FMNL1: variants seen among roughly 807,000 people sequenced by gnomAD.
FMNL1 encodes formin like 1.
FMNL1 carries 43 observed loss-of-function variants against 121.3 expected under a neutral mutation model. The ratio of observed to expected loss-of-function variants is 0.35; its 90% CI spans 0.28 to 0.46. The LOEUF is 0.46. Ranked by LOEUF, FMNL1 falls within the 20% of genes least tolerant of loss-of-function variation. The pLI is 1.00. For missense variants in FMNL1, 1,191 were observed against 1,482.4 expected, an observed-to-expected ratio of 0.80 and a Z score of 3.23; for synonymous variants, 613 against 613.5, an observed-to-expected ratio of 1.00 and a Z score of 0.01.
chr17:45,223,619 A>T (rs1437049604), intron 1 of FMNL1, among the ~76,000 whole-genome samples: 3 of 152,148 alleles, frequency 2.0e-5, no homozygotes, highest in Non-Finnish European at 4.4e-5. Context: ...CCCCAAGCAT[A>T]GGACTTCACA....
intron 1 of FMNL1, among the ~76,000 whole-genome samples, chr17:45,227,714 G>T (rs1175344436): frequency 6.6e-6 from 1 of 152,138 alleles, no homozygotes; most frequent in Non-Finnish European, 1.5e-5. Flanking sequence ...TCTGTGAAGT[G>T]CTTCTTCATA....
At position 45,241,584 on chromosome 17, in the gene FMNL1, G is replaced by A. The variant is rs745698209; in HGVS notation, c.1535G>A (p.Ser512Asn). The A allele has an allele frequency of 2.9e-5, 46 of 1,559,420 alleles. No individual in the cohort carries two copies. The highest frequency in any genetic ancestry group is 3.6e-5 in the Non-Finnish European group (41 of 1,150,904). ...EILPVAVATP[S>N]GGDAPTPGVP... is the part of the protein sequence containing the mutation. The stretch of plus-strand genomic sequence containing the variant: ...CTCCCCGTCGCTGTGGCAACTCCGA[G>A]CGGCGGTGATGCTCCGACTCCGGGG... Residue 512 changes from serine (S) to asparagine (N), a missense_variant, in exon 14 of 27, where the codon AGC becomes AAC. This residue lies in a region of FMNL1 where 519 missense variants were observed against 492.8 expected (regional missense o/e 1.05). Coordinates refer to ENST00000331495, the MANE Select transcript of FMNL1 (RefSeq NM_005892.4). The surrounding 1 kb of genome is among the most constrained non-coding windows in gnomAD (Gnocchi z 7.0).
chr17:45,222,329 C>T, intron 1 of FMNL1, 76 bp downstream of exon 1: 1 of 1,088,688 alleles, frequency 9.2e-7, no homozygotes, highest in Non-Finnish European at 1.1e-6. Flanking sequence ...CGCGCGTCCC[C>T]GCCCCCGGGG....
Position 45,237,009 on chromosome 17 carries a change from A to G in FMNL1, c.724-272A>G, listed in dbSNP as rs1306244207. Among the ~76,000 whole-genome samples the G allele has an allele frequency of 6.6e-6, 1 of 152,106 alleles. No individual in the cohort carries two copies. The highest frequency in any genetic ancestry group is 2.4e-5 in the African/African-American group (1 of 41,410). On this transcript the variant is annotated intron_variant, in intron 7 of 26. Transcript: ENST00000331495. This position sits in a 1 kb window ranked among gnomAD's most constrained non-coding sequence, Gnocchi z 4.4. ...GGCAGGTGCCTGTAATCCCAGCTACATGGGAAGCTGAGTCAGGAGAATCAC... is the reference window on the plus strand; with the variant it reads ...GGCAGGTGCCTGTAATCCCAGCTACGTGGGAAGCTGAGTCAGGAGAATCAC...
Position 45,241,875 on chromosome 17 carries a change from C to T in FMNL1, c.1614C>T (p.Pro538=). Residue 538 remains proline (P), a synonymous_variant, in exon 15 of 27, where the codon CCC becomes CCT. Transcript: ENST00000331495. The surrounding 1 kb of genome is among the most constrained non-coding windows in gnomAD (Gnocchi z 7.0). The part of the protein sequence containing the change: ...PDLAPAAEPA[P]GAAPPPPPPL... ...TCGCACCTGCAGCAGAGCCGGCTCC[C>T]GGAGCAGCGCCACCGCCGCCGCCCC... The T allele has an allele frequency of 7.0e-7, 1 of 1,434,632 alleles. No homozygotes were observed. Among genetic ancestry groups the T allele is most frequent in the Non-Finnish European group, 9.1e-7 (1 of 1,102,788 alleles). The allele number at this position is 1,434,632 out of a possible 1,614,324, so 88.9% of individuals were successfully genotyped here. A position where few individuals can be genotyped will look rare whatever the true frequency, so the allele number is the denominator to read the frequency against.
At chr17:45,229,737 G>A (rs2043400744) in intron 1 of FMNL1, among the ~76,000 whole-genome samples, 1 of 152,146 alleles carries the variant, frequency 6.6e-6, no homozygotes, top group South Asian at 2.1e-4. Context: ...GCGCTAACCT[G>A]CTCCGTGGTG....
rs985678593 is a variant in FMNL1, at chr17:45,243,237, T to C, written c.2130T>C (p.Ile710=). ...AGGCCCCCAGCAAGGCGACACTCAT[T>C]GAGGCCAACCGGGCCAAGAACTTGG... The part of the protein sequence containing the change: ...AQKAPSKATL[I]EANRAKNLAI... Residue 710 remains isoleucine, a synonymous_variant, in exon 17 of 27, where the codon ATT becomes ATC. Transcript: ENST00000331495. 1 of 1,614,136 alleles carries C rather than the reference T, an allele frequency of 6.2e-7. No individual in the cohort carries two copies. Among genetic ancestry groups the C allele is most frequent in the Middle Eastern group, 1.6e-4 (1 of 6,062 alleles).
Position 45,245,085 on chromosome 17 carries a change from A to C in FMNL1, c.2705A>C (p.His902Pro). The change falls in exon 21 of 27, where the codon CAC becomes CCC. Residue 902 changes from histidine to proline, a missense_variant. This residue lies in a region of FMNL1 where 367 missense variants were observed against 528.6 expected (regional missense o/e 0.69). Transcript: ENST00000331495. ...CTCACAGGCTTCCACAGCGACCTGC[A>C]CTTCCTGGACAAGGCGGGCTCAGGT... is the stretch of plus-strand genomic sequence containing the variant. ...PQLTGFHSDL[H>P]FLDKAGSVSL... 6.2e-7 allele frequency: 1 copy of C among 1,614,142 alleles called. No homozygotes were observed.
At position 45,243,886 on chromosome 17, in the gene FMNL1, G is replaced by C. The variant is rs938536726; in HGVS notation, c.2309G>C (p.Arg770Pro). 6.2e-7 allele frequency: 1 copy of C among 1,613,770 alleles called. No individual in the cohort carries two copies. Among genetic ancestry groups the C allele is most frequent in the African/African-American group, 1.3e-5 (1 of 74,932 alleles). The change falls in exon 18 of 27, where the codon CGG (arginine) becomes CCG (proline). Residue 770 changes from arginine to proline, a missense_variant. Physicochemically the swap from Arg to Pro is moderately radical, Grantham distance 103 (BLOSUM62 -2). Transcript: ENST00000331495. The stretch of plus-strand genomic sequence containing the variant: ...CGCAGCCTCATCACCCGCTTTGAGC[G>C]GGAGCAGCGGCCAATGGAGGAGCTG... ...YERSLITRFE[R>P]EQRPMEELSE...
At chr17:45,228,959 G>T (rs1367574569) in intron 1 of FMNL1, among the ~76,000 whole-genome samples, 2 of 152,166 alleles carry the variant, frequency 1.3e-5, no homozygotes, top group Non-Finnish European at 2.9e-5. Flanking sequence ...TGGGGTGGGG[G>T]TGACTGAGAG....
intron 3 of FMNL1, among the ~76,000 whole-genome samples, 197 bp downstream of exon 3, chr17:45,232,677 A>G (rs1479352197): frequency 6.6e-6 from 1 of 152,012 alleles, no homozygotes; most frequent in East Asian, 1.9e-4. Flanking sequence ...TCCTCTGTAC[A>G]TCCTGTGTGT....
At chr17:45,239,309 C>A (rs992275994) in intron 11 of FMNL1, 4 of 504,900 alleles carry the variant, frequency 7.9e-6, no homozygotes, top group Non-Finnish European at 1.4e-5. Context: ...CTGGCACATA[C>A]CAGGCCCCCA....
chr17:45,236,280 C>T (rs757671058), intron 7 of FMNL1, 36 bp downstream of exon 7: 2 of 1,555,812 alleles, frequency 1.3e-6, no homozygotes, highest in Admixed American at 3.4e-5. Flanking sequence ...GACTAGGGAG[C>T]CCAGCCTGTC....
Position 45,223,464 on chromosome 17 carries a change from G to C in FMNL1, c.129+1211G>C, listed in dbSNP as rs112216588. ...TCCTCTCCCAAGAGAAGGCTGGGGG[G>C]AGTTTGGAGGAGCTATGGGGTGGCG... On this transcript the variant is annotated intron_variant, in intron 1 of 26. Transcript: ENST00000331495. Among the ~76,000 whole-genome samples the C allele has an allele frequency of 6.2e-3, 942 of 152,338 alleles. 16 individuals are homozygous for C. The highest frequency in any genetic ancestry group is 0.022 in the African/African-American group (917 of 41,576).
intron 6 of FMNL1, 194 bp downstream of exon 6, chr17:45,234,394 G>A (rs1000412499): frequency 3.3e-6 from 3 of 897,928 alleles, no homozygotes; most frequent in Non-Finnish European, 5.1e-6. Context: ...GCTGGGTGCT[G>A]TGGCTCATGC....
chr17:45,223,769 C>A (rs779633640), intron 1 of FMNL1, among the ~76,000 whole-genome samples: 22 of 152,236 alleles, frequency 1.4e-4, no homozygotes, highest in South Asian at 2.1e-4. Context: ...TCTGTCTTTC[C>A]GCCAAGTGTG....
chr17:45,232,100 G>T (rs1384757981), intron 2 of FMNL1, among the ~76,000 whole-genome samples: 2 of 152,160 alleles, frequency 1.3e-5, no homozygotes, highest in African/African-American at 4.8e-5. Flanking sequence ...CTTGAGCCCG[G>T]GAGTAGGAGG....
At chr17:45,244,492 C>T (rs1431209591) in intron 19 of FMNL1, among the ~76,000 whole-genome samples, 1 of 152,206 alleles carries the variant, frequency 6.6e-6, no homozygotes, top group Non-Finnish European at 1.5e-5. Flanking sequence ...ACCTCACCTG[C>T]TCAGTGGAGG....
intron 6 of FMNL1, among the ~76,000 whole-genome samples, chr17:45,235,926 C>T (rs1181047614): frequency 6.6e-6 from 1 of 152,230 alleles, no homozygotes; most frequent in Non-Finnish European, 1.5e-5. Flanking sequence ...GTCTTTGCTT[C>T]TGTGTCCCCC....
Sources: allele counts gnomAD v4.1 joint callset (sites outside exome capture counted in the v4.1 genomes callset), GRCh38; gene constraint gnomAD v4.1.1; regional missense constraint gnomAD v4.1.1; non-coding constraint Gnocchi (gnomAD v3.1); transcripts MANE v1.5; gene names NCBI Gene and HGNC (gene_info 2026-07-23, HGNC 2026-07-21).